FAM107B: variants seen among roughly 807,000 people sequenced by gnomAD.
The protein encoded by FAM107B is family with sequence similarity 107 member B.
Under a neutral mutation model 31.5 loss-of-function variants are expected in FAM107B, and 21 were observed. The ratio of observed to expected loss-of-function variants is 0.67; its 90% confidence interval spans 0.47 to 0.96. FAM107B has a LOEUF of 0.96. FAM107B is among the 40% of genes least tolerant of loss of function. The probability of loss-of-function intolerance (pLI) is 0.00; values close to 1 mark genes in which losing one functional copy is unlikely to be tolerated. For missense variants in FAM107B, 452 were observed against 377.1 expected, an observed-to-expected ratio of 1.20 and a Z score of -1.64; for synonymous variants, 157 against 141.5, an observed-to-expected ratio of 1.11 and a Z score of -0.78.
rs183659668 is a variant in FAM107B at position 14,764,454 on chromosome 10, C to T, written c.411+9799G>A. 3.6e-3 allele frequency among the ~76,000 whole-genome samples: 548 copies of T among 152,308 alleles called. 4 individuals carry two copies. Among genetic ancestry groups the T allele is most frequent in the African/African-American group, 0.012 (517 of 41,560 alleles). ...ACAAACCAGCTTTTCAGAACAAGAT[C>T]ATAAACACCTCCCACGGCATTTTGA... is the stretch of plus-strand genomic sequence containing the variant. On this transcript the variant is annotated intron_variant, in intron 1 of 4. Transcript: ENST00000181796.
chr10:14,721,249 T>G (rs1489841473), intron 1 of FAM107B, among the ~76,000 whole-genome samples: 1 of 152,248 alleles, frequency 6.6e-6, no homozygotes, highest in Non-Finnish European at 1.5e-5. Context: ...CTATCATTGA[T>G]GGACATTTGG....
At chr10:14,645,957 C>T (rs1400912531) in intron 2 of FAM107B, among the ~76,000 whole-genome samples, 2 of 152,042 alleles carry the variant, frequency 1.3e-5, no homozygotes, top group African/African-American at 4.8e-5. Context: ...TGGAAACAAG[C>T]CCTCGATTTA....
intron 2 of FAM107B, among the ~76,000 whole-genome samples, chr10:14,649,213 ACT>A (rs1204283889): frequency 3.3e-5 from 5 of 152,180 alleles, no homozygotes; most frequent in Admixed American, 3.3e-4. Flanking sequence ...GACAAAACAG[ACT>A]CTGCGTAGCA....
intron 1 of FAM107B, among the ~76,000 whole-genome samples, chr10:14,748,303 G>T (rs1018642994): frequency 1.4e-4 from 21 of 152,214 alleles, no homozygotes; most frequent in African/African-American, 5.1e-4. Context: ...GGGGGTCAAG[G>T]TCAGCTCTAA....
At chr10:14,747,170 G>A (rs529667130) in intron 1 of FAM107B, among the ~76,000 whole-genome samples, 1 of 152,234 alleles carries the variant, frequency 6.6e-6, no homozygotes, top group African/African-American at 2.4e-5. Context: ...CTCTAAACTG[G>A]TTATTCTGGT....
At chr10:14,727,779 G>A (rs1856071499) in intron 1 of FAM107B, among the ~76,000 whole-genome samples, 1 of 152,180 alleles carries the variant, frequency 6.6e-6, no homozygotes, top group Non-Finnish European at 1.5e-5. Context: ...ACATCAAGAT[G>A]CTTCACCACA....
chr10:14,739,174 T>C (rs2601751), intron 1 of FAM107B, among the ~76,000 whole-genome samples: 74,401 of 152,024 alleles, frequency 0.49, 19,778 homozygotes, highest in African/African-American at 0.71. Flanking sequence ...ATCATACACA[T>C]CCCATTACGT....
chr10:14,734,481 T>C (rs915335072), intron 1 of FAM107B, among the ~76,000 whole-genome samples: 1 of 150,318 alleles, frequency 6.7e-6, no homozygotes, highest in African/African-American at 2.5e-5. Context: ...TGAAATCTTT[T>C]TGTGAGGTTT....
intron 1 of FAM107B, among the ~76,000 whole-genome samples, chr10:14,668,069 G>A (rs1854452941): frequency 6.6e-6 from 1 of 151,958 alleles, no homozygotes; most frequent in Non-Finnish European, 1.5e-5. Flanking sequence ...TTTTGGTGGA[G>A]TCTCACTCTG....
At chr10:14,601,940 T>C (rs188744591) in intron 2 of FAM107B, among the ~76,000 whole-genome samples, 2 of 152,338 alleles carry the variant, frequency 1.3e-5, no homozygotes, top group East Asian at 3.9e-4. Context: ...AATGAATGAA[T>C]GACGGCGTCC....
At chr10:14,580,845 C>T (rs1021533937) in intron 2 of FAM107B, among the ~76,000 whole-genome samples, 4 of 152,210 alleles carry the variant, frequency 2.6e-5, no homozygotes, top group Admixed American at 2.6e-4. Context: ...CAAGATGGAA[C>T]GTAATGTATT....
At chr10:14,521,801 C>T (rs910913871) in intron 4 of FAM107B, 68 bp downstream of exon 4, 47 of 1,572,476 alleles carry the variant, frequency 3.0e-5, no homozygotes, top group African/African-American at 8.2e-5. Flanking sequence ...AAATCCTGCC[C>T]GCTCCAACAC....
At chr10:14,774,084 ACT>A (rs879531616) in intron 1 of FAM107B, among the ~76,000 whole-genome samples, 167 bp downstream of exon 1, 55 of 151,976 alleles carry the variant, frequency 3.6e-4, no homozygotes, top group Admixed American at 2.2e-3. Context: ...TTTTGAGAAC[ACT>A]CTGAGAATCT....
At chr10:14,743,166 T>C (rs1832657233) in intron 1 of FAM107B, among the ~76,000 whole-genome samples, 1 of 152,222 alleles carries the variant, frequency 6.6e-6, no homozygotes, top group Non-Finnish European at 1.5e-5. Flanking sequence ...CATGTATGTC[T>C]TCTTTTGAGA....
At chr10:14,588,629 G>A (rs1295995088) in intron 2 of FAM107B, among the ~76,000 whole-genome samples, 2 of 152,108 alleles carry the variant, frequency 1.3e-5, no homozygotes, top group African/African-American at 4.8e-5. Context: ...TGAGAAACAG[G>A]AGGCTGACAC....
At position 14,539,260 on chromosome 10, in the gene FAM107B, C is replaced by G. The variant is rs1588517178; in HGVS notation, c.470-8745G>C. 1.3e-5 allele frequency among the ~76,000 whole-genome samples: 2 copies of G among 152,296 alleles called. 1 individual carries two copies. ...AGAAAGAAAATGACTGGAGCAGGATCTCAGAGAGGCTTGTGCCAAAGTTGG... is the reference window on the plus strand; with the variant it reads ...AGAAAGAAAATGACTGGAGCAGGATGTCAGAGAGGCTTGTGCCAAAGTTGG... On this transcript the variant is annotated intron_variant, in intron 2 of 4. Coordinates refer to ENST00000181796, the MANE Select transcript of FAM107B (RefSeq NM_031453.4).
At chr10:14,684,334 C>T (rs1449101973) in intron 1 of FAM107B, among the ~76,000 whole-genome samples, 1 of 152,114 alleles carries the variant, frequency 6.6e-6, no homozygotes, top group Non-Finnish European at 1.5e-5. Flanking sequence ...CACCTGTAGT[C>T]CCAGCTACTT....
chr10:14,710,415 T>C (rs925317204), intron 1 of FAM107B, among the ~76,000 whole-genome samples: 5 of 149,302 alleles, frequency 3.3e-5, no homozygotes, highest in African/African-American at 1.0e-4. Flanking sequence ...CATATTTTTT[T>C]GCCTGTCTCT....
At chr10:14,615,725 T>C (rs901867769) in intron 2 of FAM107B, among the ~76,000 whole-genome samples, 1 of 152,214 alleles carries the variant, frequency 6.6e-6, no homozygotes, top group African/African-American at 2.4e-5. Flanking sequence ...TGGAAAGGAG[T>C]GAGCTAGATT....
Sources: allele counts gnomAD v4.1 joint callset (sites outside exome capture counted in the v4.1 genomes callset), GRCh38; gene constraint gnomAD v4.1.1; transcripts MANE v1.5; gene names NCBI Gene and HGNC (gene_info 2026-07-23, HGNC 2026-07-21).